The following TTC23 variants were observed in gnomAD, a reference collection of about 807,000 sequenced individuals.
TTC23 encodes the protein tetratricopeptide repeat protein 23.
A neutral mutation model predicts 55.1 loss-of-function variants in TTC23; 58 were observed. The observed-to-expected ratio is 1.05, with a 90% CI of 0.85 to 1.31. TTC23 has a LOEUF of 1.31. Among genes scored for constraint, TTC23 ranks in the 50% most tolerant of loss-of-function variants. TTC23 has a pLI of 0.00. For synonymous variants in TTC23, 203 were observed against 199.9 expected (o/e 1.02, Z -0.13); for missense variants, 516 against 534.4 (o/e 0.97, Z 0.34).
intron 8 of TTC23, among the ~76,000 whole-genome samples, chr15:99,208,417 T>C (rs1444667152): frequency 6.6e-6 from 1 of 152,194 alleles, no homozygotes; most frequent in African/African-American, 2.4e-5. Context: ...TTATCAGAAA[T>C]AGATTTTGTA....
intron 9 of TTC23, among the ~76,000 whole-genome samples, chr15:99,191,642 G>A (rs1328508076): frequency 6.6e-6 from 1 of 152,188 alleles, no homozygotes; most frequent in Non-Finnish European, 1.5e-5. Context: ...CAGCCACGTG[G>A]AACTGTCAGT....
intron 12 of TTC23, chr15:99,140,961 T>A (rs932753707): frequency 6.6e-6 from 1 of 152,186 alleles, no homozygotes; most frequent in Admixed American, 6.5e-5. Context: ...AAACAGATTA[T>A]TCAAAGAGTT....
chr15:99,216,293 T>A (rs1461149283), intron 8 of TTC23, among the ~76,000 whole-genome samples: 1 of 152,162 alleles, frequency 6.6e-6, no homozygotes, highest in South Asian at 2.1e-4. Context: ...AGAGTTAAAG[T>A]AGGTCTTGGA....
intron 2 of TTC23, among the ~76,000 whole-genome samples, chr15:99,241,905 T>C (rs184655258): frequency 2.0e-5 from 3 of 152,138 alleles, no homozygotes; most frequent in Admixed American, 6.5e-5. Context: ...GAGGCTGAGA[T>C]GGGTTGATGG....
intron 13 of TTC23, among the ~76,000 whole-genome samples, chr15:99,138,941 A>G (rs782627814): frequency 1.1e-4 from 17 of 152,196 alleles, no homozygotes; most frequent in Non-Finnish European, 1.8e-4. Context: ...CTTTAAGGTC[A>G]GTCAGTGAAC....
In TTC23 at chr15:99,137,252, A is replaced by C. The variant is rs2067663132; in HGVS notation, c.*758T>G. The C allele has an allele frequency of 6.6e-6, 1 of 152,298 alleles. No homozygotes were observed. Among genetic ancestry groups the C allele is most frequent in the Non-Finnish European group, 1.5e-5 (1 of 68,088 alleles). 9.4% of individuals were successfully genotyped at this position (152,298 alleles called of 1,614,324 possible). The stretch of plus-strand genomic sequence containing the variant: ...CAGGGGGCTGAAGACTGCTGTGTAC[A>C]CGATAGTGTGCCAACTCAGGAAGCA... On this transcript the variant is annotated 3_prime_UTR_variant, in exon 14 of 14. Transcript: ENST00000394132.
chr15:99,205,674 C>A (rs2076570859), intron 8 of TTC23, among the ~76,000 whole-genome samples: 1 of 151,530 alleles, frequency 6.6e-6, no homozygotes, highest in Non-Finnish European at 1.5e-5. Flanking sequence ...TGCAACTTTA[C>A]TGAATTTGTT....
chr15:99,203,802 T>C (rs759618891), intron 8 of TTC23, among the ~76,000 whole-genome samples: 1 of 152,076 alleles, frequency 6.6e-6, no homozygotes, highest in Non-Finnish European at 1.5e-5. Context: ...TCCAGCTCCA[T>C]CCATTTTGCT....
chr15:99,181,663 C>T (rs1338950504), intron 9 of TTC23, among the ~76,000 whole-genome samples: 1 of 152,110 alleles, frequency 6.6e-6, no homozygotes, highest in Non-Finnish European at 1.5e-5. Flanking sequence ...CGTTGCAGCC[C>T]CGGGTTGCCA....
chr15:99,136,876 C>CT lies in TTC23; in HGVS notation c.*1133dup, dbSNP rs1402035030. ...ACGCTCCTGAGGAAGACAATGGTCC[C>CT]TGCTTCTCTCCACCCTGTCGTGGCT... On this transcript the variant is annotated 3_prime_UTR_variant, in exon 14 of 14. Transcript: ENST00000394132. The CT allele has an allele frequency of 1.3e-5, 2 of 152,348 alleles. No individual in the cohort carries two copies. The highest frequency in any genetic ancestry group is 2.9e-5 in the Non-Finnish European group (2 of 68,140). 9.4% of individuals were successfully genotyped at this position (152,348 alleles called of 1,614,324 possible).
At chr15:99,241,178 G>A (rs1056872517) in intron 3 of TTC23, among the ~76,000 whole-genome samples, 187 bp downstream of exon 3, 1 of 152,082 alleles carries the variant, frequency 6.6e-6, no homozygotes, top group African/African-American at 2.4e-5. Flanking sequence ...AGCCAGGTGT[G>A]GTGGCACACA....
At chr15:99,155,309 A>G (rs1269245655) in intron 12 of TTC23, 6 of 152,238 alleles carry the variant, frequency 3.9e-5, no homozygotes, top group African/African-American at 1.4e-4. Flanking sequence ...AGGAATGAAG[A>G]AATGGAAAGA....
intron 3 of TTC23, among the ~76,000 whole-genome samples, chr15:99,237,705 A>G (rs1373474907): frequency 6.6e-6 from 1 of 152,086 alleles, no homozygotes; most frequent in Non-Finnish European, 1.5e-5. Context: ...GAGAGGAGGG[A>G]TTACAAGGGG....
chr15:99,196,615 A>C (rs1468025567), intron 9 of TTC23, among the ~76,000 whole-genome samples: 1 of 152,114 alleles, frequency 6.6e-6, no homozygotes, highest in African/African-American at 2.4e-5. Flanking sequence ...CTCCACACAT[A>C]TCTCTCAGAT....
At chr15:99,162,493 A>C (rs1459315638) in intron 10 of TTC23, among the ~76,000 whole-genome samples, 1 of 152,196 alleles carries the variant, frequency 6.6e-6, no homozygotes, top group Non-Finnish European at 1.5e-5. Flanking sequence ...CAGAGAAGTG[A>C]GCGGGAGCTG....
Position 99,220,613 on chromosome 15 carries a change from C to T in TTC23, c.304+1128G>A, listed in dbSNP as rs113693045. Among the ~76,000 whole-genome samples the T allele has an allele frequency of 2.8e-3, 428 of 152,262 alleles. 4 individuals are homozygous for T. Among genetic ancestry groups the T allele is most frequent in the Middle Eastern group, 0.014 (4 of 294 alleles). ...AGAGCCTTTGATCTAATAGGTAGGA[C>T]CAGTCTATAATCAGATTTGGCCAAA... On this transcript the variant is annotated intron_variant, in intron 6 of 13. Coordinates refer to ENST00000394132, the MANE Select transcript of TTC23 (RefSeq NM_001288615.3).
intron 9 of TTC23, among the ~76,000 whole-genome samples, chr15:99,190,344 C>G (rs2075140318): frequency 6.7e-6 from 1 of 149,080 alleles, no homozygotes; most frequent in African/African-American, 2.5e-5. Flanking sequence ...GTGATCTTGG[C>G]TCACTGCAAC....
chr15:99,144,911 T>G (rs1452736448), intron 12 of TTC23: 1 of 152,232 alleles, frequency 6.6e-6, no homozygotes, highest in Non-Finnish European at 1.5e-5. Flanking sequence ...TCTGTTTTCA[T>G]GTCAATTCTC....
intron 13 of TTC23, 121 bp from the exon 14 acceptor site, chr15:99,138,248 A>G (rs2067767321): frequency 8.6e-7 from 1 of 1,166,404 alleles, no homozygotes; most frequent in Non-Finnish European, 1.2e-6. Context: ...GGTAGGGGCT[A>G]TAAATGAGAG....
Sources: gnomAD v4.1 joint callset for allele counts (sites outside exome capture counted in the v4.1 genomes callset) on GRCh38, gnomAD v4.1.1 for gene constraint, MANE v1.5 for transcripts, NCBI Gene and HGNC (gene_info 2026-07-23, HGNC 2026-07-21) for gene names.